The following L1CAM variants were observed in gnomAD, a reference collection of about 807,000 sequenced individuals.
The protein encoded by L1CAM is L1 cell adhesion molecule.
Under a neutral mutation model 93.0 loss-of-function variants are expected in L1CAM, and 8 were observed. The ratio of observed to expected loss-of-function variants is 0.09; its 90% CI spans 0.05 to 0.16. L1CAM has a LOEUF of 0.16. Ranked by LOEUF, L1CAM falls within the 10% of genes least tolerant of loss-of-function variation. L1CAM has a pLI of 1.00. For synonymous variants in L1CAM, 453 were observed against 453.0 expected (o/e 1.00, Z 0.00); for missense variants, 777 against 1,073.4 (o/e 0.72, Z 3.86).
chrX:153,866,238 G>A (rs1387546421), intron 19 of L1CAM, among the ~76,000 whole-genome samples: 3 of 106,797 alleles, frequency 2.8e-5, no homozygotes, highest in Non-Finnish European at 3.9e-5. Context: ...GCTTGAACCC[G>A]GGAGGCAGAG....
intron 1 of L1CAM, among the ~76,000 whole-genome samples, chrX:153,882,457 C>T (rs1333916581): frequency 8.2e-5 from 9 of 109,695 alleles, no homozygotes; most frequent in South Asian, 3.9e-4. Context: ...TGCTGGTTCA[C>T]GAACACACAC....
Position 153,869,659 on chromosome X carries a change from C to G in L1CAM, c.1128G>C (p.Leu376=). 8.3e-7 allele frequency: 1 copy of G among 1,207,303 alleles called. No homozygotes were observed. The highest frequency in any genetic ancestry group is 1.1e-6 in the Non-Finnish European group (1 of 893,378). ...GAATCCGGTACTTCTGGTCTTTGGCCAGCTCTGTGCATGCAGCAGGTGGGC... is the reference window on the plus strand; with the variant it reads ...GAATCCGGTACTTCTGGTCTTTGGCGAGCTCTGTGCATGCAGCAGGTGGGC... ...WRINGIPVEE[L]AKDQKYRIQR... Residue 376 remains leucine, a synonymous_variant, in exon 11 of 29, where the codon CTG becomes CTC. Coordinates refer to ENST00000370060, the MANE Select transcript of L1CAM (RefSeq NM_001278116.2).
chrX:153,880,676 G>A (rs782535185), intron 1 of L1CAM: 41 of 338,543 alleles, frequency 1.2e-4, no homozygotes, highest in East Asian at 7.9e-4. Flanking sequence ...TCCCCAGGCC[G>A]TGGCTGGCGG....
intron 1 of L1CAM, chrX:153,884,397 G>A (rs937293815): frequency 3.0e-5 from 11 of 370,500 alleles, no homozygotes; most frequent in East Asian, 1.8e-4. Flanking sequence ...TTAGGAGCGC[G>A]GTGTAGCAAA....
chrX:153,873,132 C>A (rs2064787309), intron 3 of L1CAM, 96 bp downstream of exon 3: 2 of 872,359 alleles, frequency 2.3e-6, no homozygotes, highest in African/African-American at 4.0e-5. Flanking sequence ...AGCAGGGCCC[C>A]GGCACTCAGG....
chrX:153,863,456 C>T (rs1557089589), intron 27 of L1CAM, 21 bp downstream of exon 27: 1 of 1,208,999 alleles, frequency 8.3e-7, no homozygotes, highest in Non-Finnish European at 1.1e-6. Flanking sequence ...AGTGCCAGCA[C>T]CCACTCCTGC....
intron 24 of L1CAM, 53 bp from the exon 25 acceptor site, chrX:153,864,530 C>T: frequency 2.5e-6 from 3 of 1,209,118 alleles, no homozygotes; most frequent in Non-Finnish European, 2.2e-6. Flanking sequence ...CAGGCAACCC[C>T]TCTGGCCCAG....
In L1CAM at chrX:153,863,277, G is replaced by T. The variant is rs1240274823; in HGVS notation, c.3542+91C>A. The T allele has an allele frequency of 9.9e-6, 10 of 1,010,953 alleles. No homozygotes were observed. The East Asian group carries it at 2.9e-4, about 29-fold the overall frequency. 83.3% of individuals were successfully genotyped at this position (1,010,953 alleles called of 1,213,427 possible). A position where few individuals can be genotyped will look rare whatever the true frequency, so the allele number is the denominator to read the frequency against. On this transcript the variant is annotated intron_variant, in intron 28 of 28. Coordinates refer to ENST00000370060, the MANE Select transcript of L1CAM (RefSeq NM_001278116.2). ...GCTGGGAAGTGAGAGTCCTGTCAGA[G>T]CCCCGGCAGCCAGGGGACAATGGCA...
chrX:153,878,653 G>C (rs1251218067), intron 1 of L1CAM, among the ~76,000 whole-genome samples: 2 of 112,009 alleles, frequency 1.8e-5, no homozygotes, highest in East Asian at 2.8e-4. Context: ...GGTCTTAGGA[G>C]GGGGAGGGGA....
chrX:153,880,867 T>C (rs2064841204), intron 1 of L1CAM: 1 of 250,034 alleles, frequency 4.0e-6, no homozygotes, highest in Admixed American at 5.8e-5. Flanking sequence ...CACCCCTCCC[T>C]AAGAGGGTAC....
At chrX:153,885,899 C>A in intron 1 of L1CAM, 166 bp downstream of exon 1, 1 of 786,515 alleles carries the variant, frequency 1.3e-6, no homozygotes, top group South Asian at 3.2e-5. Flanking sequence ...CCGCGGTGCC[C>A]GGAGCCCGAC....
intron 1 of L1CAM, among the ~76,000 whole-genome samples, chrX:153,881,314 A>G (rs1199731493): frequency 9.0e-6 from 1 of 111,713 alleles, no homozygotes; most frequent in African/African-American, 3.3e-5. Flanking sequence ...GGGGTTTTAG[A>G]GGGCGTGGTG....
intron 7 of L1CAM, 45 bp downstream of exon 7, chrX:153,870,745 G>C: frequency 8.6e-7 from 1 of 1,157,770 alleles, no homozygotes; most frequent in Non-Finnish European, 1.2e-6. Context: ...CCATGCCTGA[G>C]GGTGAAAGGA....
At position 153,870,370 on chromosome X, in the gene L1CAM, C is replaced by T. The variant is rs200497143; in HGVS notation, c.806+18G>A. 439 of 1,202,289 alleles carry T rather than the reference C, an allele frequency of 3.7e-4. No homozygotes were observed. Among genetic ancestry groups the T allele is most frequent in the Non-Finnish European group, 4.8e-4 (423 of 887,303 alleles). On this transcript the variant is annotated intron_variant, in intron 8 of 28. Transcript: ENST00000370060. Reference sequence around the variant, plus strand: ...CCACCCTGCCCTGCCCTGCCCTGCCCTGGGTTCCCAGACTCACAAGCCCTC... The same window carrying T: ...CCACCCTGCCCTGCCCTGCCCTGCCTTGGGTTCCCAGACTCACAAGCCCTC...
In L1CAM at chrX:153,864,431, G is replaced by C. The variant is rs782490036; in HGVS notation, c.3213C>G (p.Asn1071Lys). Residue 1071 changes from asparagine (N) to lysine (K), a missense_variant, in exon 25 of 29, where the codon AAC (asparagine) becomes AAG (lysine). Around this residue, in one of 5 missense-constraint regions of L1CAM, gnomAD observed 18 missense variants for 53.0 expected, o/e 0.34. Coordinates refer to ENST00000370060, the MANE Select transcript of L1CAM (RefSeq NM_001278116.2). ...GGTCCCACTGCGTGTAGGAGCTCTG[G>C]TTGTAGCTGACATACTGTGGCGAAA... ...ASLSPQYVSY[N>K]QSSYTQWDLQ... The C allele has an allele frequency of 8.3e-7, 1 of 1,211,493 alleles. No individual in the cohort carries two copies. The highest frequency in any genetic ancestry group is 1.7e-5 in the African/African-American group (1 of 57,899).
rs1557092050 is a variant in L1CAM, at chrX:153,868,862, G to A, written c.1358C>T (p.Ala453Val). Residue 453 changes from alanine (A) to valine (V), a missense_variant, in exon 12 of 29, where the codon GCG becomes GTG. By Grantham distance (64) the Ala-to-Val change is moderately conservative (BLOSUM62 0). Around this residue, in one of 5 missense-constraint regions of L1CAM, gnomAD observed 574 missense variants for 781.0 expected, o/e 0.73. Coordinates refer to ENST00000370060, the MANE Select transcript of L1CAM (RefSeq NM_001278116.2). ...TCACCACTGAACACTGGGCACAGGC[G>A]CTCCGAAGGCCTTGCACAGAAGGTA... ...TAYLLCKAFG[A>V]PVPSVQWLDE... 2.5e-6 allele frequency: 3 copies of A among 1,208,681 alleles called. No homozygotes were observed. Among genetic ancestry groups the A allele is most frequent in the Non-Finnish European group, 1.1e-6 (1 of 893,643 alleles).
chrX:153,872,136 C>T lies in L1CAM; in HGVS notation c.400+16G>A. 8.4e-7 allele frequency: 1 copy of T among 1,195,071 alleles called. No individual in the cohort carries two copies. The highest frequency in any genetic ancestry group is 2.3e-4 in the Middle Eastern group (1 of 4,294). ...CTCCGGGACCTGCCCTCCCTGGTCC[C>T]TGCAGCGCCTCGCACCCTCGGCCAT... On this transcript the variant is annotated intron_variant, in intron 5 of 28. Transcript: ENST00000370060.
At chrX:153,877,722 C>A (rs1557094972) in intron 1 of L1CAM, among the ~76,000 whole-genome samples, 1 of 111,686 alleles carries the variant, frequency 9.0e-6, no homozygotes, top group East Asian at 2.8e-4. Context: ...TGCTGCTCCT[C>A]AGCCCCCTGG....
At chrX:153,870,569 C>G in intron 7 of L1CAM, 70 bp from the exon 8 acceptor site, 1 of 938,227 alleles carries the variant, frequency 1.1e-6, no homozygotes, top group Non-Finnish European at 1.5e-6. Flanking sequence ...GGCTGAGGGA[C>G]TCGACACTCC....
Sources: allele counts gnomAD v4.1 joint callset (sites outside exome capture counted in the v4.1 genomes callset), GRCh38; gene constraint gnomAD v4.1.1; regional missense constraint gnomAD v4.1.1; transcripts MANE v1.5; gene names NCBI Gene and HGNC (gene_info 2026-07-23, HGNC 2026-07-21).